MEIS1: variants seen among roughly 807,000 people sequenced by gnomAD.
The protein encoded by MEIS1 is homeobox protein Meis1.
MEIS1 carries 5 observed loss-of-function variants against 50.8 expected under a neutral mutation model. That is an observed-to-expected ratio of 0.10 (90% CI 0.05 to 0.21). The LOEUF (loss-of-function observed/expected upper bound fraction) is 0.21. Among genes scored for constraint, MEIS1 ranks in the 10% least tolerant of loss-of-function variants. MEIS1 has a pLI of 1.00. For missense variants in MEIS1, 318 were observed against 517.3 expected, an observed-to-expected ratio of 0.61 and a Z score of 3.74; for synonymous variants, 176 against 179.3, an observed-to-expected ratio of 0.98 and a Z score of 0.15.
At position 66,442,753 on chromosome 2, in the gene MEIS1, G is replaced by A. The variant is rs115456829; in HGVS notation, c.484-149G>A. The A allele has an allele frequency of 5.7e-4, 372 of 654,538 alleles. 1 individual carries two copies. The African/African-American group carries it at 6.4e-3, about 11-fold the overall frequency. The allele number at this position is 654,538 out of a possible 1,614,324, so 40.5% of individuals were successfully genotyped here. A position where few individuals can be genotyped will look rare whatever the true frequency, so the allele number is the denominator to read the frequency against. On this transcript the variant is annotated intron_variant, in intron 5 of 12. Transcript: ENST00000272369. ...AGAAAAGAAAGTTATTCCTAATTCT[G>A]GATGCGTCTGGGGGTCTCTGGAGGA...
At chr2:66,487,939 C>T (rs1673180917) in intron 7 of MEIS1, among the ~76,000 whole-genome samples, 2 of 152,194 alleles carry the variant, frequency 1.3e-5, no homozygotes, top group South Asian at 4.1e-4. Context: ...AGAAGAAATT[C>T]TGAATCTAGG....
chr2:66,452,311 A>G (rs924273675), intron 6 of MEIS1, among the ~76,000 whole-genome samples: 1 of 151,876 alleles, frequency 6.6e-6, no homozygotes, highest in Non-Finnish European at 1.5e-5. Context: ...TGAACATATA[A>G]ATGTATTATT....
At chr2:66,517,329 A>G (rs539373873) in intron 8 of MEIS1, among the ~76,000 whole-genome samples, 12 of 152,188 alleles carry the variant, frequency 7.9e-5, no homozygotes, top group Non-Finnish European at 1.8e-4. Flanking sequence ...ATAGCAGGTA[A>G]CTTTGATTCC....
At chr2:66,482,536 TAGAA>T (rs1673043094) in intron 7 of MEIS1, among the ~76,000 whole-genome samples, 1 of 152,210 alleles carries the variant, frequency 6.6e-6, no homozygotes, top group Admixed American at 6.5e-5. Context: ...TGTCTCTCGT[TAGAA>T]AGAGAGAATA....
At chr2:66,529,277 A>G (rs1270944504) in intron 8 of MEIS1, among the ~76,000 whole-genome samples, 2 of 152,080 alleles carry the variant, frequency 1.3e-5, no homozygotes, top group Non-Finnish European at 2.9e-5. Flanking sequence ...GAGCTGTACT[A>G]TAGATGCTTG....
At chr2:66,563,367 T>C (rs1359794520) in intron 9 of MEIS1, among the ~76,000 whole-genome samples, 5 of 152,188 alleles carry the variant, frequency 3.3e-5, no homozygotes, top group Non-Finnish European at 7.4e-5. Context: ...ATTTCTTCTA[T>C]GTTGAATCTC....
chr2:66,526,141 C>A (rs1409537320), intron 8 of MEIS1, among the ~76,000 whole-genome samples: 2 of 152,196 alleles, frequency 1.3e-5, no homozygotes, highest in Non-Finnish European at 2.9e-5. Context: ...AAGTGAGTAT[C>A]TGAAAAGTAT....
intron 9 of MEIS1, among the ~76,000 whole-genome samples, chr2:66,552,360 C>A (rs1191001787): frequency 6.6e-6 from 1 of 152,096 alleles, no homozygotes; most frequent in Non-Finnish European, 1.5e-5. Context: ...AAATGATTAT[C>A]CCTTTATGCT....
intron 6 of MEIS1, among the ~76,000 whole-genome samples, chr2:66,457,717 A>T (rs1672425069): frequency 6.6e-6 from 1 of 152,326 alleles, no homozygotes; most frequent in South Asian, 2.1e-4. Context: ...ATGCTGACAT[A>T]CAGCGATCCC....
intron 7 of MEIS1, among the ~76,000 whole-genome samples, chr2:66,501,869 AT>A (rs199557481): frequency 7.0e-4 from 104 of 148,358 alleles, no homozygotes; most frequent in South Asian, 3.6e-3. Flanking sequence ...CATTTTGTCA[AT>A]TTTTTTTTTT....
At chr2:66,564,009 A>T (rs1425187157) in intron 9 of MEIS1, among the ~76,000 whole-genome samples, 2 of 152,200 alleles carry the variant, frequency 1.3e-5, no homozygotes, top group Non-Finnish European at 2.9e-5. Context: ...CCAAATAATT[A>T]GTTGTTCATA....
At chr2:66,565,775 A>G (rs1675331448) in intron 9 of MEIS1, among the ~76,000 whole-genome samples, 1 of 152,250 alleles carries the variant, frequency 6.6e-6, no homozygotes. Flanking sequence ...GATAATGAAC[A>G]GTACCATAGA....
At chr2:66,453,477 C>A (rs1437826135) in intron 6 of MEIS1, among the ~76,000 whole-genome samples, 1 of 151,846 alleles carries the variant, frequency 6.6e-6, no homozygotes, top group Non-Finnish European at 1.5e-5. Flanking sequence ...GTTGTAGGAA[C>A]CAGAAACTCA....
chr2:66,503,575 G>T (rs768660969), intron 7 of MEIS1, among the ~76,000 whole-genome samples: 3 of 152,090 alleles, frequency 2.0e-5, no homozygotes, highest in Non-Finnish European at 2.9e-5. Flanking sequence ...TAACTTTAGT[G>T]CCTTCTAACT....
intron 7 of MEIS1, among the ~76,000 whole-genome samples, chr2:66,496,945 G>C (rs1673420335): frequency 6.6e-6 from 1 of 152,088 alleles, no homozygotes; most frequent in African/African-American, 2.4e-5. Context: ...GTACATTTCA[G>C]GGGTGGTTTT....
intron 8 of MEIS1, among the ~76,000 whole-genome samples, chr2:66,522,445 C>G (rs1045232756): frequency 3.9e-5 from 6 of 152,296 alleles, no homozygotes; most frequent in East Asian, 1.9e-4. Flanking sequence ...GCGAGGGGAT[C>G]CTCCTGTTGG....
chr2:66,440,280 C>T (rs2103681320), intron 3 of MEIS1: 1 of 589,890 alleles, frequency 1.7e-6, no homozygotes, highest in Non-Finnish European at 3.0e-6. Flanking sequence ...AAGAACACCA[C>T]GGTTGTAGCT....
At chr2:66,480,023 C>G (rs1354945986) in intron 7 of MEIS1, among the ~76,000 whole-genome samples, 1 of 152,056 alleles carries the variant, frequency 6.6e-6, no homozygotes, top group Non-Finnish European at 1.5e-5. Flanking sequence ...TAGATTCTTG[C>G]CCTGTGGAAA....
intron 9 of MEIS1, among the ~76,000 whole-genome samples, chr2:66,560,025 G>A (rs569482983): frequency 5.3e-5 from 8 of 150,886 alleles, no homozygotes; most frequent in African/African-American, 2.0e-4. Context: ...TTATACTCCA[G>A]GCTCAAATGA....
Sources: allele counts gnomAD v4.1 joint callset (sites outside exome capture counted in the v4.1 genomes callset), GRCh38; gene constraint gnomAD v4.1.1; transcripts MANE v1.5; gene names NCBI Gene and HGNC (gene_info 2026-07-23, HGNC 2026-07-21).